The following CNTNAP5 variants were observed in gnomAD, a reference collection of about 807,000 sequenced individuals.
CNTNAP5 encodes the protein contactin associated protein family member 5.
CNTNAP5 carries 72 observed loss-of-function variants against 150.2 expected under a neutral mutation model. The observed-to-expected ratio is 0.48, with a 90% CI of 0.40 to 0.58. CNTNAP5 has a LOEUF of 0.58. CNTNAP5 is among the 20% of genes least tolerant of loss of function. The pLI is 0.00. For synonymous variants in CNTNAP5, 672 were observed against 619.8 expected (o/e 1.08, Z -1.25); for missense variants, 1,636 against 1,626.2 (o/e 1.01, Z -0.10).
intron 13 of CNTNAP5, among the ~76,000 whole-genome samples, chr2:124,705,328 G>A (rs1318611190): frequency 6.6e-6 from 1 of 152,112 alleles, no homozygotes; most frequent in African/African-American, 2.4e-5. Flanking sequence ...AGGAGTTCGA[G>A]ACCAGCCTGG....
At chr2:124,747,552 A>C (rs1056747265) in intron 14 of CNTNAP5, among the ~76,000 whole-genome samples, 167 bp downstream of exon 14, 1 of 151,558 alleles carries the variant, frequency 6.6e-6, no homozygotes, top group Non-Finnish European at 1.5e-5. Flanking sequence ...TAGTGTTTTC[A>C]GTATGACAAC....
chr2:124,822,293 T>C (rs1682508369), intron 19 of CNTNAP5, among the ~76,000 whole-genome samples: 1 of 152,130 alleles, frequency 6.6e-6, no homozygotes, highest in Non-Finnish European at 1.5e-5. Flanking sequence ...AGCCTCTATT[T>C]CTCATGATTT....
chr2:124,487,365 T>C (rs1006075586), intron 7 of CNTNAP5, among the ~76,000 whole-genome samples: 2 of 152,164 alleles, frequency 1.3e-5, no homozygotes, highest in Non-Finnish European at 2.9e-5. Flanking sequence ...TAAATGAACA[T>C]ACGTAGCCTT....
intron 3 of CNTNAP5, among the ~76,000 whole-genome samples, chr2:124,357,158 T>C (rs536135473): frequency 6.6e-6 from 1 of 152,200 alleles, no homozygotes; most frequent in African/African-American, 2.4e-5. Context: ...GGGTTGTTTG[T>C]TTTTTTCTTG....
intron 13 of CNTNAP5, among the ~76,000 whole-genome samples, chr2:124,682,204 CAG>C (rs1422935435): frequency 6.6e-6 from 1 of 152,158 alleles, no homozygotes; most frequent in African/African-American, 2.4e-5. Flanking sequence ...AGGAGATTTT[CAG>C]AGTCTCTCTG....
intron 4 of CNTNAP5, among the ~76,000 whole-genome samples, chr2:124,419,080 G>A (rs1377065234): frequency 7.4e-6 from 1 of 134,416 alleles, no homozygotes; most frequent in Non-Finnish European, 1.5e-5. Flanking sequence ...CTTGCAGTGA[G>A]CCGAGATTGC....
chr2:124,372,980 A>C (rs1690565342), intron 3 of CNTNAP5, among the ~76,000 whole-genome samples: 2 of 152,118 alleles, frequency 1.3e-5, no homozygotes, highest in Admixed American at 1.3e-4. Flanking sequence ...CTTGACATAG[A>C]TATAAAAGAC....
At chr2:124,214,412 T>TGCAGGGCAGGGAGTG (rs1309361682) in intron 1 of CNTNAP5, among the ~76,000 whole-genome samples, 1 of 152,188 alleles carries the variant, frequency 6.6e-6, no homozygotes, top group Non-Finnish European at 1.5e-5. Context: ...CCATCACCAG[T>TGCAGGGCAGGGAGTG]CACTATTGCA....
At chr2:124,279,534 A>G (rs1195622723) in intron 3 of CNTNAP5, among the ~76,000 whole-genome samples, 1 of 152,072 alleles carries the variant, frequency 6.6e-6, no homozygotes, top group African/African-American at 2.4e-5. Context: ...CCTCACCAAT[A>G]TCCATATGGT....
At chr2:124,511,374 A>G (rs1349657810) in intron 8 of CNTNAP5, among the ~76,000 whole-genome samples, 1 of 152,164 alleles carries the variant, frequency 6.6e-6, no homozygotes, top group Non-Finnish European at 1.5e-5. Flanking sequence ...ACAGGCATGG[A>G]GTTTTAGCTT....
chr2:124,215,448 C>A (rs561516389), intron 1 of CNTNAP5, among the ~76,000 whole-genome samples: 3 of 152,044 alleles, frequency 2.0e-5, no homozygotes, highest in South Asian at 2.1e-4. Context: ...CTCTGTTGTG[C>A]CTTTACCTTG....
At chr2:124,405,449 C>T (rs1160880698) in intron 3 of CNTNAP5, among the ~76,000 whole-genome samples, 1 of 152,126 alleles carries the variant, frequency 6.6e-6, no homozygotes. Context: ...AAACCGGACT[C>T]CACTTATATA....
chr2:124,519,927 G>A (rs1694815155), intron 8 of CNTNAP5, among the ~76,000 whole-genome samples: 1 of 152,170 alleles, frequency 6.6e-6, no homozygotes, highest in Admixed American at 6.5e-5. Flanking sequence ...GAGAAGCCAT[G>A]AGAACAAAAG....
intron 1 of CNTNAP5, among the ~76,000 whole-genome samples, chr2:124,118,592 G>C (rs1430682317): frequency 6.6e-6 from 1 of 152,138 alleles, no homozygotes; most frequent in Non-Finnish European, 1.5e-5. Flanking sequence ...GAGGAAATAA[G>C]GGTAGTGGAA....
At chr2:124,050,800 CTGTT>C (rs1681675924) in intron 1 of CNTNAP5, among the ~76,000 whole-genome samples, 1 of 152,232 alleles carries the variant, frequency 6.6e-6, no homozygotes, top group Non-Finnish European at 1.5e-5. Context: ...GTCTCACACA[CTGTT>C]TGCAGCTGGG....
At chr2:124,685,188 C>T (rs765119417) in intron 13 of CNTNAP5, among the ~76,000 whole-genome samples, 2 of 152,172 alleles carry the variant, frequency 1.3e-5, no homozygotes, top group African/African-American at 4.8e-5. Context: ...CCCTCGGATA[C>T]TTCTTGTAAT....
intron 12 of CNTNAP5, among the ~76,000 whole-genome samples, chr2:124,623,229 G>T (rs1320691573): frequency 2.6e-5 from 4 of 152,032 alleles, no homozygotes; most frequent in African/African-American, 9.7e-5. Context: ...ATGTCCTTGT[G>T]GGAAAAAATG....
intron 5 of CNTNAP5, among the ~76,000 whole-genome samples, chr2:124,441,080 G>A (rs1258495760): frequency 6.6e-6 from 1 of 151,980 alleles, no homozygotes; most frequent in African/African-American, 2.4e-5. Context: ...TTAATGAAGA[G>A]CAGAAATTTT....
At chr2:124,639,090 G>A (rs1215458037) in intron 12 of CNTNAP5, among the ~76,000 whole-genome samples, 3 of 152,284 alleles carry the variant, frequency 2.0e-5, no homozygotes, top group African/African-American at 4.8e-5. Context: ...CTGGTAGTCC[G>A]TTAAGTGTTT....
Sources: allele counts gnomAD v4.1 joint callset (sites outside exome capture counted in the v4.1 genomes callset), GRCh38; gene constraint gnomAD v4.1.1; transcripts MANE v1.5; gene names NCBI Gene and HGNC (gene_info 2026-07-23, HGNC 2026-07-21).